Variants in MBLAC2 observed in about 807,000 individuals in gnomAD.
MBLAC2 encodes acyl-coenzyme A thioesterase MBLAC2.
In MBLAC2, 24 loss-of-function variants were observed where a neutral mutation model predicts 23.3. That is an observed-to-expected ratio of 1.03 (90% confidence interval 0.75 to 1.45). The LOEUF is 1.45. Among genes scored for constraint, MBLAC2 ranks in the 40% most tolerant of loss-of-function variants. The pLI is 0.00. For synonymous variants in MBLAC2, 162 were observed against 150.9 expected (o/e 1.07, Z -0.54); for missense variants, 358 against 370.0 (o/e 0.97, Z 0.27).
chr5:90,470,785 C>CAAA (rs3220210), intron 1 of MBLAC2, among the ~76,000 whole-genome samples: 5 of 148,068 alleles, frequency 3.4e-5, no homozygotes, highest in East Asian at 2.0e-4. Context: ...CACACACACA[C>CAAA]GCTTTCTTTC....
intron 1 of MBLAC2, among the ~76,000 whole-genome samples, chr5:90,466,312 GACAA>G (rs1316199658): frequency 2.6e-5 from 4 of 152,174 alleles, no homozygotes; most frequent in African/African-American, 9.7e-5. Flanking sequence ...TCCATTTGCA[GACAA>G]ACAAATAAGA....
In MBLAC2 at chr5:90,461,452, G is replaced by A; in HGVS notation, c.555C>T (p.Leu185=). The part of the protein sequence containing the change: ...ICLHDKDRKI[L]FSGDVVYDGS... ...CATCATACACGACGTCTCCACTGAA[G>A]AGAATCTTTCGGTCTTTGTCATGTA... The change falls in exon 2 of 2, where the codon CTC becomes CTT. Residue 185 remains leucine (L), a synonymous_variant. Transcript: ENST00000316610. 3.7e-6 allele frequency: 6 copies of A among 1,614,150 alleles called. No individual in the cohort carries two copies. The highest frequency in any genetic ancestry group is 5.1e-6 in the Non-Finnish European group (6 of 1,180,016).
chr5:90,473,295 G>T (rs1001839506), intron 1 of MBLAC2: 6 of 208,498 alleles, frequency 2.9e-5, no homozygotes, highest in Non-Finnish European at 4.7e-5. Flanking sequence ...TATCTGAAAG[G>T]TTTCCAATCG....
At position 90,474,221 on chromosome 5, in the gene MBLAC2, G is replaced by A. The variant is rs1257860242; in HGVS notation, c.72C>T (p.Tyr24=). 1.9e-6 allele frequency: 3 copies of A among 1,613,028 alleles called. No individual in the cohort carries two copies. The highest frequency in any genetic ancestry group is 2.2e-5 in the East Asian group (1 of 44,868). Residue 24 remains tyrosine (Y), a synonymous_variant, in exon 1 of 2, where the codon TAC becomes TAT. Coordinates refer to ENST00000316610, the MANE Select transcript of MBLAC2 (RefSeq NM_203406.2). ...DGIFWIQERF[Y]ESGNRANIWL... ...AGATGTTGGCACGGTTGCCCGACTC[G>A]TAGAAACGTTCTTGAATCCAGAAGA...
chr5:90,468,267 G>A (rs1245694307), intron 1 of MBLAC2, among the ~76,000 whole-genome samples: 2 of 152,076 alleles, frequency 1.3e-5, no homozygotes, highest in Non-Finnish European at 2.9e-5. Context: ...AGTTTTCCTC[G>A]ATTATTCCTT....
chr5:90,461,193 C>T lies in MBLAC2; in HGVS notation c.814G>A (p.Val272Ile). ...MRSLASLALR[V>I]TNSRTSP is the part of the protein sequence containing the mutation. ...TAGGGCGAGGTCCTAGAATTTGTTACACGTAGAGCTAAACTTGCAAGAGAT... is the reference window on the plus strand; with the variant it reads ...TAGGGCGAGGTCCTAGAATTTGTTATACGTAGAGCTAAACTTGCAAGAGAT... The change falls in exon 2 of 2, where the codon GTA (valine) becomes ATA (isoleucine). Residue 272 changes from valine (V) to isoleucine (I), a missense_variant. By Grantham distance (29) the Val-to-Ile change is conservative. Transcript: ENST00000316610. 6.2e-7 allele frequency: 1 copy of T among 1,608,414 alleles called. No individual in the cohort carries two copies. Among genetic ancestry groups the T allele is most frequent in the South Asian group, 1.1e-5 (1 of 90,092 alleles).
intron 1 of MBLAC2, among the ~76,000 whole-genome samples, chr5:90,467,205 G>A (rs1750463202): frequency 6.6e-6 from 1 of 152,118 alleles, no homozygotes; most frequent in Non-Finnish European, 1.5e-5. Context: ...ATTTGTTCTA[G>A]GGTATAGTTT....
At chr5:90,473,783 A>C (rs1369203638) in intron 1 of MBLAC2, 56 bp downstream of exon 1, 1 of 1,482,868 alleles carries the variant, frequency 6.7e-7, no homozygotes, top group African/African-American at 1.4e-5. Context: ...GCACTCGGAC[A>C]GTCTCTTCCC....
chr5:90,464,204 C>CT (rs1367175034), intron 1 of MBLAC2, among the ~76,000 whole-genome samples: 2 of 152,116 alleles, frequency 1.3e-5, no homozygotes, highest in Non-Finnish European at 2.9e-5. Flanking sequence ...CATATAAAGA[C>CT]TTTCAGAATA....
At chr5:90,466,885 A>G (rs1750455685) in intron 1 of MBLAC2, among the ~76,000 whole-genome samples, 2 of 152,146 alleles carry the variant, frequency 1.3e-5, no homozygotes, top group South Asian at 2.1e-4. Context: ...TGCCTGTAAT[A>G]CCAGCAATTT....
chr5:90,461,076 G>T lies in MBLAC2; in HGVS notation c.*91C>A. The T allele has an allele frequency of 1.9e-6, 2 of 1,039,420 alleles. No individual in the cohort carries two copies. The highest frequency in any genetic ancestry group is 2.7e-6 in the Non-Finnish European group (2 of 740,236). 64.4% of individuals were successfully genotyped at this position (1,039,420 alleles called of 1,614,324 possible). On this transcript the variant is annotated 3_prime_UTR_variant, in exon 2 of 2. Coordinates refer to ENST00000316610, the MANE Select transcript of MBLAC2 (RefSeq NM_203406.2). ...TCTGATATATAATAGTGGTATAAAA[G>T]CACTTCATGAAATGCTCACTATTAA...
rs1457689149 is a variant in MBLAC2 at position 90,461,008 on chromosome 5, AAACT to A, written c.*155_*158del. On this transcript the variant is annotated 3_prime_UTR_variant, in exon 2 of 2. Coordinates refer to ENST00000316610, the MANE Select transcript of MBLAC2 (RefSeq NM_203406.2). ...TTTCTTGGAAGAAAGAAAACAATTTAAACTAACAATTTTCTTTTTGGCTTATTCA... is the reference window on the plus strand; with the variant it reads ...TTTCTTGGAAGAAAGAAAACAATTTAAACAATTTTCTTTTTGGCTTATTCA... 4.7e-6 allele frequency: 3 copies of A among 633,276 alleles called. No individual in the cohort carries two copies. The highest frequency in any genetic ancestry group is 1.9e-5 in the African/African-American group (1 of 53,668). 39.2% of individuals were successfully genotyped at this position (633,276 alleles called of 1,614,324 possible). A position where few individuals can be genotyped will look rare whatever the true frequency, so the allele number is the denominator to read the frequency against.
chr5:90,461,425 T>G lies in MBLAC2; in HGVS notation c.582A>C (p.Gly194=), dbSNP rs1261498793. The stretch of plus-strand genomic sequence containing the variant: ...TGTATGGGAGCCAGTCAATCAGTGA[T>G]CCATCATACACGACGTCTCCACTGA... ...ILFSGDVVYD[G]SLIDWLPYSR... The change falls in exon 2 of 2, where the codon GGA becomes GGC. Residue 194 remains glycine, a synonymous_variant. Transcript: ENST00000316610. The G allele has an allele frequency of 6.2e-7, 1 of 1,614,178 alleles. No individual in the cohort carries two copies. Among genetic ancestry groups the G allele is most frequent in the Non-Finnish European group, 8.5e-7 (1 of 1,180,008 alleles).
rs140053253 is a variant in MBLAC2 at position 90,461,420 on chromosome 5, A to G, written c.587T>C (p.Leu196Pro). The change falls in exon 2 of 2, where the codon CTG becomes CCG. Residue 196 changes from leucine to proline, a missense_variant. Physicochemically the swap from Leu to Pro is moderately conservative, Grantham distance 98. Coordinates refer to ENST00000316610, the MANE Select transcript of MBLAC2 (RefSeq NM_203406.2). ...CCTGCTGTATGGGAGCCAGTCAATC[A>G]GTGATCCATCATACACGACGTCTCC... ...FSGDVVYDGS[L>P]IDWLPYSRIS... 233 of 1,614,082 alleles carry G rather than the reference A, an allele frequency of 1.4e-4. 2 individuals are homozygous for G. The highest frequency in any genetic ancestry group is 1.6e-4 in the Middle Eastern group (1 of 6,084).
At chr5:90,463,480 G>A (rs2151891449) in intron 1 of MBLAC2, among the ~76,000 whole-genome samples, 1 of 152,248 alleles carries the variant, frequency 6.6e-6, no homozygotes, top group South Asian at 2.1e-4. Context: ...AAAGCAAACA[G>A]CAAACTTCTA....
rs1290952863 is a variant in MBLAC2, at chr5:90,458,455, T to TA, written c.*2711dup. On this transcript the variant is annotated 3_prime_UTR_variant, in exon 2 of 2. Transcript: ENST00000316610. ...CAATATAAATAATAAAAATTACTTC[T>TA]AAATGTCTTACATTTTGACAACTTT... The TA allele has an allele frequency of 2.6e-5, 4 of 152,198 alleles. No individual in the cohort carries two copies. The highest frequency in any genetic ancestry group is 5.9e-5 in the Non-Finnish European group (4 of 68,018). 9.4% of individuals were successfully genotyped at this position (152,198 alleles called of 1,614,324 possible).
intron 1 of MBLAC2, among the ~76,000 whole-genome samples, chr5:90,464,326 C>T (rs1750416373): frequency 6.6e-6 from 1 of 152,170 alleles, no homozygotes; most frequent in Admixed American, 6.5e-5. Flanking sequence ...GTAATCCCAG[C>T]ACTTTGGCAA....
Position 90,473,992 on chromosome 5 carries a change from GCACTGC to G in MBLAC2, c.295_300del (p.Ala99_Val100del), listed in dbSNP as rs1458479787. On this transcript the variant is annotated inframe_deletion, in exon 1 of 2. Transcript: ENST00000316610. ...GCCAGCGCCTCGGCCTCGGCGTGGTGCACTGCCACGCGGTCGAACTGGTAGAGGCCG... is the reference window on the plus strand; with the variant it reads ...GCCAGCGCCTCGGCCTCGGCGTGGTGCACGCGGTCGAACTGGTAGAGGCCG... 1 of 1,598,396 alleles carries G rather than the reference GCACTGC, an allele frequency of 6.3e-7. No individual in the cohort carries two copies. Among genetic ancestry groups the G allele is most frequent in the East Asian group, 2.3e-5 (1 of 44,282 alleles).
At chr5:90,465,601 A>T (rs1580180870) in intron 1 of MBLAC2, among the ~76,000 whole-genome samples, 1 of 152,298 alleles carries the variant, frequency 6.6e-6, no homozygotes, top group East Asian at 1.9e-4. Flanking sequence ...ATTTTTTTAA[A>T]GAGATGGAAT....
Sources: allele counts gnomAD v4.1 joint callset (sites outside exome capture counted in the v4.1 genomes callset), GRCh38; gene constraint gnomAD v4.1.1; transcripts MANE v1.5; gene names NCBI Gene and HGNC (gene_info 2026-07-23, HGNC 2026-07-21).